Variants in PTPRB observed in about 807,000 individuals in gnomAD.
PTPRB encodes the protein protein tyrosine phosphatase receptor type B.
A neutral mutation model predicts 238.1 loss-of-function variants in PTPRB; 97 were observed. That is an observed-to-expected ratio of 0.41 (90% CI 0.35 to 0.48). The LOEUF is 0.48. Ranked by LOEUF, PTPRB falls within the 20% of genes least tolerant of loss-of-function variation. PTPRB has a pLI of 0.30. For synonymous variants in PTPRB, 970 were observed against 995.4 expected, an observed-to-expected ratio of 0.97 and a Z score of 0.48; for missense variants, 2,292 against 2,681.9, an observed-to-expected ratio of 0.85 and a Z score of 3.21.
Position 70,635,982 on chromosome 12 carries a change from A to T in PTPRB, c.140T>A (p.Ile47Asn). ...KVVVGSCNRT[I>N]QNQQWMWTED... ...AGTCCACATCCACTGCTGGTTCTGG[A>T]TGGTCCTGTTGCATGAGCCCACGAC... Residue 47 changes from isoleucine to asparagine, a missense_variant, in exon 2 of 34, where the codon ATC (isoleucine) becomes AAC (asparagine). Coordinates refer to ENST00000334414, the MANE Select transcript of PTPRB (RefSeq NM_001109754.4). The T allele has an allele frequency of 6.2e-7, 1 of 1,613,586 alleles. No individual in the cohort carries two copies. Among genetic ancestry groups the T allele is most frequent in the South Asian group, 1.1e-5 (1 of 90,980 alleles).
chr12:70,562,310 G>T (rs1878596555), intron 16 of PTPRB, among the ~76,000 whole-genome samples: 1 of 152,022 alleles, frequency 6.6e-6, no homozygotes, highest in South Asian at 2.1e-4. Flanking sequence ...TTTTGAACAG[G>T]AGATAAAGGA....
At chr12:70,541,995 A>G (rs143511805) in intron 22 of PTPRB, 31 of 128,412 alleles carry the variant, frequency 2.4e-4, no homozygotes, top group African/African-American at 8.5e-4. Context: ...GCTGGGTCGT[A>G]TGGTAACTCT....
chr12:70,630,436 T>C (rs1376641088), intron 2 of PTPRB, among the ~76,000 whole-genome samples: 2 of 152,206 alleles, frequency 1.3e-5, no homozygotes, highest in East Asian at 3.8e-4. Flanking sequence ...ATAAGAGCTA[T>C]TTATGATAAA....
At chr12:70,548,603 A>C (rs528260878) in intron 21 of PTPRB, among the ~76,000 whole-genome samples, 2 of 152,318 alleles carry the variant, frequency 1.3e-5, no homozygotes, top group East Asian at 3.9e-4. Flanking sequence ...TGCAGATAAA[A>C]AGGACCTTTA....
In PTPRB at chr12:70,554,885, A is replaced by G. The variant is rs537969728; in HGVS notation, c.5143+275T>C. Reference sequence around the variant, plus strand: ...GTGCACAGCACGTAGTAAGGGCTCAATAAATGATGGTTATTGTTATTATCG... The same window carrying G: ...GTGCACAGCACGTAGTAAGGGCTCAGTAAATGATGGTTATTGTTATTATCG... On this transcript the variant is annotated intron_variant, in intron 20 of 33. Transcript: ENST00000334414. Among the ~76,000 whole-genome samples the G allele has an allele frequency of 3.9e-4, 59 of 152,346 alleles. 1 individual carries two copies. In the South Asian group the frequency reaches 0.012, roughly 30 times the overall value.
chr12:70,627,059 G>A (rs1566023798), intron 2 of PTPRB, among the ~76,000 whole-genome samples: 2 of 152,074 alleles, frequency 1.3e-5, no homozygotes, highest in African/African-American at 2.4e-5. Context: ...ATAATTGAAA[G>A]GCTAACTAAA....
Position 70,520,554 on chromosome 12 carries a change from A to G in PTPRB, c.*935T>C, listed in dbSNP as rs1381192544. On this transcript the variant is annotated 3_prime_UTR_variant, in exon 34 of 34. Coordinates refer to ENST00000334414, the MANE Select transcript of PTPRB (RefSeq NM_001109754.4). ...TTAATGGGAAATCAAGTAGGAATGG[A>G]TAATTGTGACTTTTCTAGGAATGGA... 1.5e-5 allele frequency: 3 copies of G among 204,284 alleles called. No homozygotes were observed. The highest frequency in any genetic ancestry group is 2.1e-3 in the Middle Eastern group (1 of 470). The allele number at this position is 204,284 out of a possible 1,614,324, so 12.7% of individuals were successfully genotyped here. A position where few individuals can be genotyped will look rare whatever the true frequency, so the allele number is the denominator to read the frequency against.
At chr12:70,615,213 C>T (rs1297701946) in intron 3 of PTPRB, among the ~76,000 whole-genome samples, 1 of 152,096 alleles carries the variant, frequency 6.6e-6, no homozygotes, top group Non-Finnish European at 1.5e-5. Flanking sequence ...ACTGAGAACT[C>T]ATCTTTCTGA....
chr12:70,571,966 G>T lies in PTPRB; in HGVS notation c.2964C>A (p.Asn988Lys), dbSNP rs1246100744. 1 of 1,613,976 alleles carries T rather than the reference G, an allele frequency of 6.2e-7. No individual in the cohort carries two copies. ...GAATGCTTTTAGTTTGAATGAAGTTGTTTTTGTTTTTAATGGTGACTTCAT... is the reference window on the plus strand; with the variant it reads ...GAATGCTTTTAGTTTGAATGAAGTTTTTTTTGTTTTTAATGGTGACTTCAT... ...DHYEVTIKNKNNFIQTKSIPK... is the reference protein window; with the variant it reads ...DHYEVTIKNKKNFIQTKSIPK... Residue 988 changes from asparagine to lysine, a missense_variant, in exon 12 of 34, where the codon AAC (asparagine) becomes AAA (lysine). Transcript: ENST00000334414.
chr12:70,616,677 T>G (rs1307090179), intron 3 of PTPRB, among the ~76,000 whole-genome samples: 1 of 152,226 alleles, frequency 6.6e-6, no homozygotes, highest in Non-Finnish European at 1.5e-5. Context: ...ATGTCCTGGC[T>G]TCTCTTTTGA....
chr12:70,550,597 C>A (rs1876728417), intron 21 of PTPRB, among the ~76,000 whole-genome samples: 1 of 152,166 alleles, frequency 6.6e-6, no homozygotes. Context: ...ATGCTGCTTA[C>A]ACAGTTAAAA....
chr12:70,608,948 C>T, intron 4 of PTPRB, 121 bp downstream of exon 4: 1 of 1,320,054 alleles, frequency 7.6e-7, no homozygotes, highest in South Asian at 1.4e-5. Flanking sequence ...CAATATTTAT[C>T]TTCACAGGTA....
At chr12:70,634,520 G>A (rs1885596377) in intron 2 of PTPRB, among the ~76,000 whole-genome samples, 1 of 152,138 alleles carries the variant, frequency 6.6e-6, no homozygotes, top group Non-Finnish European at 1.5e-5. Context: ...GTAAACGTGT[G>A]CCGTGGTGCT....
intron 1 of PTPRB, 95 bp from the exon 2 acceptor site, chr12:70,636,161 A>G: frequency 1.7e-6 from 2 of 1,174,852 alleles, no homozygotes; most frequent in African/African-American, 1.5e-5. Flanking sequence ...AAATAAAATC[A>G]CTAGTTTTAC....
chr12:70,618,001 C>G (rs1884756414), intron 3 of PTPRB, among the ~76,000 whole-genome samples: 2 of 152,124 alleles, frequency 1.3e-5, no homozygotes, highest in Admixed American at 6.5e-5. Flanking sequence ...GTGAAGAAGG[C>G]AAGGTAGGAA....
intron 29 of PTPRB, 115 bp downstream of exon 29, chr12:70,535,910 A>G: frequency 4.6e-6 from 6 of 1,298,412 alleles, no homozygotes; most frequent in Non-Finnish European, 5.4e-6. Flanking sequence ...AGTCACTAAC[A>G]ATGCTCTCAC....
At chr12:70,536,399 C>T (rs1407854401) in intron 28 of PTPRB, among the ~76,000 whole-genome samples, 3 of 152,144 alleles carry the variant, frequency 2.0e-5, no homozygotes. Context: ...AAATGGGGGA[C>T]TTAGGCAATG....
At position 70,637,358 on chromosome 12, in the gene PTPRB, A is replaced by G. The variant is rs1282279271; in HGVS notation, c.38T>C (p.Leu13Ser). The stretch of plus-strand genomic sequence containing the variant: ...CCACTCACCTGAGTTCCTGAAGATC[A>G]AGCAGGTAAGAATCACCATGTAAAA... ...AEFYMVILTC[L>S]IFRNSEGFQI... Residue 13 changes from leucine to serine, a missense_variant, in exon 1 of 34, where the codon TTG becomes TCG. Leu to Ser is a moderately radical substitution (Grantham distance 145). Transcript: ENST00000334414. 2 of 1,609,190 alleles carry G rather than the reference A, an allele frequency of 1.2e-6. No individual in the cohort carries two copies. Among genetic ancestry groups the G allele is most frequent in the South Asian group, 1.1e-5 (1 of 89,670 alleles).
At chr12:70,612,627 G>A (rs576212619) in intron 3 of PTPRB, among the ~76,000 whole-genome samples, 14 of 151,770 alleles carry the variant, frequency 9.2e-5, no homozygotes, top group Non-Finnish European at 2.1e-4. Flanking sequence ...GGAAGGGTGG[G>A]GCTGCTTTTG....
Sources: allele counts gnomAD v4.1 joint callset (sites outside exome capture counted in the v4.1 genomes callset), GRCh38; gene constraint gnomAD v4.1.1; transcripts MANE v1.5; gene names NCBI Gene and HGNC (gene_info 2026-07-23, HGNC 2026-07-21).